ERICH5: variants seen among roughly 807,000 people sequenced by gnomAD.
ERICH5 encodes the protein glutamate rich 5.
A neutral mutation model predicts 28.0 loss-of-function variants in ERICH5; 24 were observed. The ratio of observed to expected loss-of-function variants is 0.86; its 90% CI spans 0.62 to 1.21. ERICH5 has a LOEUF of 1.21. ERICH5 is among the 50% of genes most tolerant of loss of function. The pLI, the probability that ERICH5 is intolerant of heterozygous loss-of-function variation, is 0.00. For missense variants in ERICH5, 421 were observed against 441.2 expected (o/e 0.95, Z 0.41); for synonymous variants, 163 against 157.6 (o/e 1.03, Z -0.25).
At chr8:98,088,039 T>C (rs1468898829) in intron 1 of ERICH5, among the ~76,000 whole-genome samples, 2 of 152,024 alleles carry the variant, frequency 1.3e-5, no homozygotes, top group African/African-American at 2.4e-5. Context: ...CTGGGCAACA[T>C]AGTGAGATCC....
intron 1 of ERICH5, among the ~76,000 whole-genome samples, chr8:98,078,563 A>G (rs941292799): frequency 6.6e-6 from 1 of 152,180 alleles, no homozygotes; most frequent in Admixed American, 6.5e-5. Context: ...TAATGAACTG[A>G]GTTGAAAAGC....
At chr8:98,074,458 C>G (rs1464992053) in intron 1 of ERICH5, among the ~76,000 whole-genome samples, 3 of 138,260 alleles carry the variant, frequency 2.2e-5, no homozygotes, top group African/African-American at 8.2e-5. Context: ...GGGTCTCACT[C>G]TGTCACCCAG....
chr8:98,077,014 G>T (rs1362615082), intron 1 of ERICH5, among the ~76,000 whole-genome samples: 1 of 151,922 alleles, frequency 6.6e-6, no homozygotes, highest in Non-Finnish European at 1.5e-5. Context: ...TGTAATCCCA[G>T]CACTTTAAAA....
rs545919229 is a variant in ERICH5 at position 98,090,140 on chromosome 8, G to T, written c.1012+111G>T. ...CAGTCCCTGAAGTCACTTTCAGGTG[G>T]TTGAAGTTCGTTTGACCAAACCAAA... On this transcript the variant is annotated intron_variant, in intron 2 of 2. Coordinates refer to ENST00000318528, the MANE Select transcript of ERICH5 (RefSeq NM_173549.3). 4 of 767,770 alleles carry T rather than the reference G, an allele frequency of 5.2e-6. No individual in the cohort carries two copies. In the South Asian group the frequency reaches 8.7e-5, roughly 17 times the overall value. The allele number at this position is 767,770 out of a possible 1,614,324, so 47.6% of individuals were successfully genotyped here.
At chr8:98,080,355 C>T (rs892099656) in intron 1 of ERICH5, among the ~76,000 whole-genome samples, 2 of 152,158 alleles carry the variant, frequency 1.3e-5, no homozygotes, top group Non-Finnish European at 2.9e-5. Context: ...ACACCCAGTG[C>T]TAGAACAGTC....
At chr8:98,087,295 A>G (rs28736653) in intron 1 of ERICH5, among the ~76,000 whole-genome samples, 2,101 of 152,370 alleles carry the variant, frequency 0.014, 60 homozygotes, top group African/African-American at 0.048. Context: ...AAGAATTAAA[A>G]TATTTGCTTC....
chr8:98,092,570 A>T (rs1448767781), intron 2 of ERICH5, among the ~76,000 whole-genome samples: 1 of 152,080 alleles, frequency 6.6e-6, no homozygotes. Flanking sequence ...TTGCCAAAGC[A>T]TTGGGATTAC....
intron 1 of ERICH5, among the ~76,000 whole-genome samples, chr8:98,081,860 G>A (rs1194244209): frequency 1.3e-5 from 2 of 151,954 alleles, no homozygotes; most frequent in African/African-American, 4.8e-5. Flanking sequence ...CCCAGGAGGC[G>A]GAGGTTGCAG....
At chr8:98,087,238 A>G (rs149347754) in intron 1 of ERICH5, among the ~76,000 whole-genome samples, 126 of 152,318 alleles carry the variant, frequency 8.3e-4, no homozygotes, top group East Asian at 7.7e-3. Context: ...ATCCTGAAGC[A>G]CAATTCATTT....
chr8:98,091,961 T>TCTCCCC (rs1815415276), intron 2 of ERICH5, among the ~76,000 whole-genome samples: 1 of 127,972 alleles, frequency 7.8e-6, no homozygotes, highest in African/African-American at 3.0e-5. Flanking sequence ...TCTTTCTTTC[T>TCTCCCC]TTTTTCTTTC....
intron 1 of ERICH5, among the ~76,000 whole-genome samples, chr8:98,076,979 A>G (rs1349671873): frequency 1.3e-5 from 2 of 152,118 alleles, no homozygotes; most frequent in African/African-American, 4.8e-5. Flanking sequence ...AGATGCTATA[A>G]TGGCCGGGTA....
intron 1 of ERICH5, among the ~76,000 whole-genome samples, chr8:98,084,772 A>G (rs1563756950): frequency 2.0e-5 from 3 of 152,124 alleles, no homozygotes; most frequent in Admixed American, 6.5e-5. Context: ...TTCAAAAATG[A>G]TCAGTTTTTT....
At chr8:98,072,978 T>C (rs1814945907) in intron 1 of ERICH5, among the ~76,000 whole-genome samples, 1 of 152,200 alleles carries the variant, frequency 6.6e-6, no homozygotes. Flanking sequence ...TAGTACTTAA[T>C]CTAAAGGTAT....
chr8:98,072,857 AT>A (rs772044082), intron 1 of ERICH5, among the ~76,000 whole-genome samples: 1 of 150,936 alleles, frequency 6.6e-6, no homozygotes, highest in Non-Finnish European at 1.5e-5. Flanking sequence ...TTTGTCTTTT[AT>A]TTTTTTTCTG....
intron 1 of ERICH5, among the ~76,000 whole-genome samples, chr8:98,068,713 C>T (rs79623125): frequency 0.021 from 3,224 of 152,264 alleles, 70 homozygotes; most frequent in Non-Finnish European, 0.03. Flanking sequence ...TCGAATCTTT[C>T]CTAATATAAA....
At chr8:98,087,860 C>T (rs769403642) in intron 1 of ERICH5, among the ~76,000 whole-genome samples, 1 of 151,854 alleles carries the variant, frequency 6.6e-6, no homozygotes, top group Non-Finnish European at 1.5e-5. Flanking sequence ...TATTCCACAC[C>T]ATGGAATATT....
At chr8:98,090,149 C>T (rs1187698150) in intron 2 of ERICH5, 120 bp downstream of exon 2, 5 of 698,280 alleles carry the variant, frequency 7.2e-6, no homozygotes, top group South Asian at 2.4e-5. Context: ...GGTTGAAGTT[C>T]GTTTGACCAA....
intron 1 of ERICH5, among the ~76,000 whole-genome samples, chr8:98,084,779 T>A (rs1815242622): frequency 6.6e-6 from 1 of 152,172 alleles, no homozygotes. Flanking sequence ...ATGATCAGTT[T>A]TTTGGAGGTA....
Position 98,064,648 on chromosome 8 carries a change from A to G in ERICH5, c.-22A>G, listed in dbSNP as rs763338331. 8.6e-6 allele frequency: 13 copies of G among 1,517,676 alleles called. No individual in the cohort carries two copies. The highest frequency in any genetic ancestry group is 6.1e-5 in the South Asian group (5 of 81,798). 94.0% of individuals were successfully genotyped at this position (1,517,676 alleles called of 1,614,324 possible). ...GGGCCGACACCCGCGCAGGGCTGAG[A>G]CAGGTGTCTGCGCTCCCCGCAATGG... On this transcript the variant is annotated 5_prime_UTR_variant, in exon 1 of 3. Coordinates refer to ENST00000318528, the MANE Select transcript of ERICH5 (RefSeq NM_173549.3).
Sources: allele counts gnomAD v4.1 joint callset (sites outside exome capture counted in the v4.1 genomes callset), GRCh38; gene constraint gnomAD v4.1.1; transcripts MANE v1.5; gene names NCBI Gene and HGNC (gene_info 2026-07-23, HGNC 2026-07-21).